SUGCT: variants seen among roughly 807,000 people sequenced by gnomAD.
The protein encoded by SUGCT is succinyl-CoA:glutarate CoA-transferase.
In SUGCT, 41 loss-of-function variants were observed where a neutral mutation model predicts 55.0. That is an observed-to-expected ratio of 0.74 (90% CI 0.58 to 0.97). The LOEUF (loss-of-function observed/expected upper bound fraction) is 0.97, where lower values mean the gene tolerates loss of function less well. SUGCT is among the 50% of genes least tolerant of loss of function. The pLI is 0.00. For missense variants in SUGCT, 568 were observed against 547.8 expected (o/e 1.04, Z -0.37); for synonymous variants, 187 against 200.4 (o/e 0.93, Z 0.56).
the SUGCT span, among the ~76,000 whole-genome samples, chr7:40,953,268 T>G: frequency 6.6e-6 from 1 of 152,242 alleles, no homozygotes; most frequent in Non-Finnish European, 1.5e-5. Flanking sequence ...TGTGCATCCA[T>G]TATGTAGTTC....
At chr7:40,681,805 A>G (rs1162007798) in intron 12 of SUGCT, among the ~76,000 whole-genome samples, 1 of 152,144 alleles carries the variant, frequency 6.6e-6, no homozygotes, top group East Asian at 1.9e-4. Context: ...TTTGTTTAAA[A>G]TTGGGGATCA....
In SUGCT at chr7:40,247,297, C is replaced by T. The variant is rs1265004667; in HGVS notation, c.576+9571C>T. Among the ~76,000 whole-genome samples the T allele has an allele frequency of 5.9e-5, 9 of 152,138 alleles. 1 individual carries two copies. In the East Asian group the frequency reaches 1.4e-3, roughly 23 times the overall value. ...GTGAGACAGAGTCTTGCTCTGTTGCCCGGGCTGGAGTGCAGTGGCATGATC... is the reference window on the plus strand; with the variant it reads ...GTGAGACAGAGTCTTGCTCTGTTGCTCGGGCTGGAGTGCAGTGGCATGATC... On this transcript the variant is annotated intron_variant, in intron 7 of 13. Transcript: ENST00000335693.
At chr7:40,470,882 T>A (rs1790371485) in intron 11 of SUGCT, among the ~76,000 whole-genome samples, 1 of 152,086 alleles carries the variant, frequency 6.6e-6, no homozygotes, top group South Asian at 2.1e-4. Context: ...TTTTCTTTCC[T>A]CTATTGTGAA....
chr7:40,829,886 A>G (rs1792562416), intron 13 of SUGCT, among the ~76,000 whole-genome samples: 1 of 152,184 alleles, frequency 6.6e-6, no homozygotes, highest in Non-Finnish European at 1.5e-5. Flanking sequence ...AGAAAACTCA[A>G]TTCATGTAGC....
chr7:40,274,409 A>G, intron 7 of SUGCT, 104 bp from the exon 8 acceptor site: 1 of 1,244,282 alleles, frequency 8.0e-7, no homozygotes, highest in Non-Finnish European at 1.1e-6. Context: ...CTGCACAGTT[A>G]ATAGACAATT....
At chr7:40,660,522 G>T (rs1298371190) in intron 12 of SUGCT, among the ~76,000 whole-genome samples, 33 of 152,154 alleles carry the variant, frequency 2.2e-4, no homozygotes, top group Admixed American at 2.0e-3. Context: ...CTCCCAAAGT[G>T]CTGGGATTAC....
intron 6 of SUGCT, among the ~76,000 whole-genome samples, chr7:40,212,617 C>T (rs1347818657): frequency 1.3e-5 from 2 of 152,100 alleles, no homozygotes; most frequent in African/African-American, 4.8e-5. Flanking sequence ...TCACTGCAAC[C>T]TCCGCCTCCT....
chr7:40,721,930 CATAGGAGATTTT>C (rs2128685847), intron 12 of SUGCT, among the ~76,000 whole-genome samples: 1 of 152,314 alleles, frequency 6.6e-6, no homozygotes, highest in South Asian at 2.1e-4. Context: ...AATGTCCTTT[CATAGGAGATTTT>C]CGTATTGCAT....
chr7:40,536,319 A>G (rs954113255), intron 12 of SUGCT, among the ~76,000 whole-genome samples: 5 of 152,212 alleles, frequency 3.3e-5, no homozygotes, highest in Non-Finnish European at 7.3e-5. Flanking sequence ...TTCTGAATGT[A>G]AGAGAGAGGG....
At chr7:40,451,783 C>T (rs554097528) in intron 10 of SUGCT, among the ~76,000 whole-genome samples, 1 of 152,346 alleles carries the variant, frequency 6.6e-6, no homozygotes, top group East Asian at 1.9e-4. Flanking sequence ...TTCCTCCATT[C>T]TGATGCAAGG....
chr7:40,783,795 C>T (rs1271441887), intron 13 of SUGCT, among the ~76,000 whole-genome samples: 2 of 152,196 alleles, frequency 1.3e-5, no homozygotes, highest in Non-Finnish European at 2.9e-5. Context: ...GATTTGCTCT[C>T]ACCTCTAAAC....
At chr7:40,139,950 T>A (rs1002324121) in intron 1 of SUGCT, among the ~76,000 whole-genome samples, 1 of 152,104 alleles carries the variant, frequency 6.6e-6, no homozygotes, top group African/African-American at 2.4e-5. Context: ...TTGTCCAGGC[T>A]GGAGTGCAAT....
chr7:40,293,987 G>A (rs1352674013), intron 8 of SUGCT, among the ~76,000 whole-genome samples: 1 of 151,666 alleles, frequency 6.6e-6, no homozygotes, highest in African/African-American at 2.4e-5. Flanking sequence ...TCGCTCTGTT[G>A]CTCAGACTGG....
chr7:40,441,156 A>G (rs939684367), intron 9 of SUGCT, among the ~76,000 whole-genome samples: 7 of 152,214 alleles, frequency 4.6e-5, no homozygotes, highest in African/African-American at 1.4e-4. Context: ...TGCCAAGTAC[A>G]TGAATCAATG....
intron 1 of SUGCT, among the ~76,000 whole-genome samples, chr7:40,173,701 C>T (rs1026347915): frequency 2.0e-5 from 3 of 152,072 alleles, no homozygotes; most frequent in Non-Finnish European, 4.4e-5. Context: ...GGTGTGGTCA[C>T]CTTCCCAGCT....
chr7:40,639,513 A>ATT (rs375633993), intron 12 of SUGCT, among the ~76,000 whole-genome samples: 94 of 137,304 alleles, frequency 6.8e-4, no homozygotes, highest in African/African-American at 1.5e-3. Context: ...GCTTTTTCAG[A>ATT]TTTTTTTTTT....
At chr7:40,545,579 T>C (rs1794944087) in intron 12 of SUGCT, among the ~76,000 whole-genome samples, 1 of 152,146 alleles carries the variant, frequency 6.6e-6, no homozygotes, top group Non-Finnish European at 1.5e-5. Context: ...TTAACGCTGT[T>C]AGATCCAGTT....
chr7:40,781,365 A>G (rs1193160958), intron 13 of SUGCT, among the ~76,000 whole-genome samples: 2 of 152,148 alleles, frequency 1.3e-5, no homozygotes, highest in African/African-American at 2.4e-5. Flanking sequence ...ATAAGTAACA[A>G]TCGAATCTGC....
chr7:41,010,578 AGAG>A, the SUGCT span, among the ~76,000 whole-genome samples: 1 of 152,184 alleles, frequency 6.6e-6, no homozygotes, highest in Non-Finnish European at 1.5e-5. Flanking sequence ...GGGAACTTGG[AGAG>A]GAGAAGTCAC....
Sources: allele counts gnomAD v4.1 joint callset (sites outside exome capture counted in the v4.1 genomes callset), GRCh38; gene constraint gnomAD v4.1.1; transcripts MANE v1.5; gene names NCBI Gene and HGNC (gene_info 2026-07-23, HGNC 2026-07-21).